Variants in NCOA4 observed in about 807,000 individuals in gnomAD.
NCOA4 encodes the protein nuclear receptor coactivator 4.
NCOA4 carries 31 observed loss-of-function variants against 69.5 expected under a neutral mutation model. The ratio of observed to expected loss-of-function variants is 0.45; its 90% confidence interval spans 0.34 to 0.60. The LOEUF (loss-of-function observed/expected upper bound fraction) is 0.60. NCOA4 is among the 20% of genes least tolerant of loss of function. The pLI, the probability that NCOA4 is intolerant of heterozygous loss-of-function variation, is 0.02. For missense variants in NCOA4, 600 were observed against 719.2 expected (o/e 0.83, Z 1.90); for synonymous variants, 228 against 252.4 (o/e 0.90, Z 0.92).
chr10:46,022,468 G>T (rs1554924613), intron 1 of NCOA4: 6 of 415,674 alleles, frequency 1.4e-5, no homozygotes, highest in Non-Finnish European at 2.0e-5. Context: ...TTGGTTTTGG[G>T]TTTTTTTTTT....
At position 46,010,941 on chromosome 10, in the gene NCOA4, T is replaced by G; in HGVS notation, c.980A>C (p.Lys327Thr). The G allele has an allele frequency of 2.5e-6, 4 of 1,613,994 alleles. No individual in the cohort carries two copies. Among genetic ancestry groups the G allele is most frequent in the Non-Finnish European group, 3.4e-6 (4 of 1,179,868 alleles). ...ATAGGACTGGAATAAGAGCTTAAAC[T>G]TCTCACTGGTTTCACGACTGCCATT... ...PENGSRETSE[K>T]FKLLFQSYNV... The change falls in exon 8 of 10, where the codon AAG (lysine) becomes ACG (threonine). Residue 327 changes from lysine to threonine, a missense_variant. Transcript: ENST00000581486.
At chr10:46,007,514 A>G (rs1480846324) in intron 9 of NCOA4, among the ~76,000 whole-genome samples, 6 of 150,836 alleles carry the variant, frequency 4.0e-5, no homozygotes, top group South Asian at 2.1e-4. Context: ...AGCTAGAGAG[A>G]TAAGTGAATG....
intron 9 of NCOA4, among the ~76,000 whole-genome samples, chr10:46,007,030 G>T (rs1364712838): frequency 6.6e-6 from 1 of 152,180 alleles, no homozygotes; most frequent in African/African-American, 2.4e-5. Context: ...AGGCCTTTTG[G>T]ACCAGCCAAG....
intron 9 of NCOA4, 181 bp downstream of exon 9, chr10:46,009,225 TAAAGC>T: frequency 6.5e-7 from 1 of 1,541,860 alleles, no homozygotes; most frequent in Non-Finnish European, 8.8e-7. Flanking sequence ...AGTTAGTTAA[TAAAGC>T]AAATTCAATT....
At chr10:46,012,070 G>GA (rs71026286) in intron 7 of NCOA4, among the ~76,000 whole-genome samples, 615 of 44,516 alleles carry the variant, frequency 0.014, 40 homozygotes, top group Non-Finnish European at 0.018. Flanking sequence ...CAAAAAGAAA[G>GA]AAAAAAAAAA....
intron 8 of NCOA4, 66 bp from the exon 9 acceptor site, chr10:46,009,617 C>A: frequency 7.1e-7 from 1 of 1,405,106 alleles, no homozygotes; most frequent in Non-Finnish European, 9.8e-7. Flanking sequence ...ACTTATCTTC[C>A]AAATAGGGTC....
At chr10:46,022,094 G>C (rs1203295928) in intron 1 of NCOA4, among the ~76,000 whole-genome samples, 1 of 152,056 alleles carries the variant, frequency 6.6e-6, no homozygotes, top group Non-Finnish European at 1.5e-5. Context: ...GGCTTCATTC[G>C]TCTGTAAGAA....
rs1333475087 is a variant in NCOA4 at position 46,010,889 on chromosome 10, A to G, written c.1032T>C (p.Thr344=). Residue 344 remains threonine (T), a synonymous_variant, in exon 8 of 10, where the codon ACT becomes ACC. Transcript: ENST00000581486. ...SYNVNDWLVK[T]DSCTNCQGNQ... Reference sequence around the variant, plus strand: ...TTCCCTGACAGTTGGTACAGGAGTCAGTCTTGACAAGCCAATCATTCACAT... The same window carrying G: ...TTCCCTGACAGTTGGTACAGGAGTCGGTCTTGACAAGCCAATCATTCACAT... The G allele has an allele frequency of 6.2e-7, 1 of 1,613,894 alleles. No individual in the cohort carries two copies. The highest frequency in any genetic ancestry group is 8.5e-7 in the Non-Finnish European group (1 of 1,179,888).
At chr10:46,009,383 A>G in intron 9 of NCOA4, 28 bp downstream of exon 9, 1 of 1,595,152 alleles carries the variant, frequency 6.3e-7, no homozygotes, top group Non-Finnish European at 8.5e-7. Context: ...GCTATAATCT[A>G]ATTTTCATGC....
At chr10:46,009,047 A>G in intron 9 of NCOA4, 1 of 936,206 alleles carries the variant, frequency 1.1e-6, no homozygotes, top group Non-Finnish European at 1.6e-6. Flanking sequence ...TTTATATGCA[A>G]TGGGAAACCA....
intron 2 of NCOA4, among the ~76,000 whole-genome samples, chr10:46,015,957 C>T (rs1839516857): frequency 1.3e-5 from 2 of 152,108 alleles, no homozygotes; most frequent in East Asian, 1.9e-4. Flanking sequence ...ATAAATTATC[C>T]GTGACAATAT....
intron 9 of NCOA4, among the ~76,000 whole-genome samples, chr10:46,007,925 G>C (rs538876766): frequency 6.6e-6 from 1 of 152,198 alleles, no homozygotes; most frequent in East Asian, 1.9e-4. Flanking sequence ...TTCAATCCTA[G>C]AGCCCTTGAG....
intron 1 of NCOA4, chr10:46,019,536 A>G: frequency 1.0e-6 from 1 of 985,016 alleles, no homozygotes; most frequent in Non-Finnish European, 1.2e-6. Flanking sequence ...AATTGAATCA[A>G]TAAAATTAAA....
intron 1 of NCOA4, among the ~76,000 whole-genome samples, chr10:46,021,059 C>A (rs568860030): frequency 6.6e-6 from 1 of 152,290 alleles, no homozygotes; most frequent in South Asian, 2.1e-4. Flanking sequence ...ACAAGGAATT[C>A]TTTAAACTAT....
chr10:46,014,776 T>A (rs782640018), intron 4 of NCOA4, 78 bp downstream of exon 4: 95 of 1,153,200 alleles, frequency 8.2e-5, no homozygotes, highest in Non-Finnish European at 1.1e-4. Context: ...ACACAAGCAA[T>A]GAGTTACAAA....
Position 46,014,431 on chromosome 10 carries a change from T to G in NCOA4, c.480+13A>C. The G allele has an allele frequency of 1.5e-3, 2,347 of 1,535,494 alleles. No individual in the cohort carries two copies. The highest frequency in any genetic ancestry group is 1.9e-3 in the Non-Finnish European group (2,156 of 1,110,252). On this transcript the variant is annotated intron_variant, in intron 5 of 9. Transcript: ENST00000581486. The stretch of plus-strand genomic sequence containing the variant: ...TATGAGAAGTGCCCAGTGAAGCATA[T>G]GAGATTACTCACAATGGTTTTGAGA...
intron 1 of NCOA4, among the ~76,000 whole-genome samples, chr10:46,026,278 G>A (rs1554925503): frequency 1.3e-5 from 2 of 152,192 alleles, no homozygotes. Flanking sequence ...TATGATCCCA[G>A]AATAAGTGCT....
chr10:46,014,789 C>T (rs951498306), intron 4 of NCOA4, 65 bp downstream of exon 4: 18 of 1,323,442 alleles, frequency 1.4e-5, no homozygotes, highest in Admixed American at 1.2e-4. Context: ...GTTACAAAAT[C>T]GACTTTCTTT....
intron 1 of NCOA4, among the ~76,000 whole-genome samples, chr10:46,018,428 A>G (rs1270758842): frequency 1.3e-5 from 2 of 152,228 alleles, no homozygotes; most frequent in Non-Finnish European, 2.9e-5. Flanking sequence ...TAACTTACAC[A>G]CTATTTGACT....
Sources: allele counts gnomAD v4.1 joint callset (sites outside exome capture counted in the v4.1 genomes callset), GRCh38; gene constraint gnomAD v4.1.1; transcripts MANE v1.5; gene names NCBI Gene and HGNC (gene_info 2026-07-23, HGNC 2026-07-21).